Variants in ZNF282 observed in about 807,000 individuals in gnomAD.
ZNF282 encodes zinc finger protein 282.
In ZNF282, 30 loss-of-function variants were observed where a neutral mutation model predicts 61.9. The ratio of observed to expected loss-of-function variants is 0.48; its 90% CI spans 0.36 to 0.66. ZNF282 has a LOEUF of 0.66. ZNF282 is among the 30% of genes least tolerant of loss of function. ZNF282 has a pLI of 0.00. For missense variants in ZNF282, 788 were observed against 941.4 expected (o/e 0.84, Z 2.13); for synonymous variants, 396 against 405.0 (o/e 0.98, Z 0.27).
chr7:149,200,950 T>C (rs1198943035), intron 2 of ZNF282, among the ~76,000 whole-genome samples: 1 of 152,180 alleles, frequency 6.6e-6, no homozygotes, highest in Non-Finnish European at 1.5e-5. Context: ...AATAGATGCT[T>C]TCTCTCCCCT....
intron 7 of ZNF282, among the ~76,000 whole-genome samples, chr7:149,216,468 A>G (rs1279814319): frequency 6.6e-6 from 1 of 152,198 alleles, no homozygotes; most frequent in Non-Finnish European, 1.5e-5. Context: ...TTTAGGAGAT[A>G]GGAGTATCTG....
intron 2 of ZNF282, among the ~76,000 whole-genome samples, chr7:149,201,348 G>A (rs1795906788): frequency 6.6e-6 from 1 of 152,142 alleles, no homozygotes; most frequent in African/African-American, 2.4e-5. Context: ...ATGGCCTCCT[G>A]GTGGGTCTCA....
intron 7 of ZNF282, among the ~76,000 whole-genome samples, chr7:149,220,924 T>TTTTTTG (rs1554471499): frequency 1.5e-4 from 13 of 85,918 alleles, no homozygotes; most frequent in Non-Finnish European, 2.1e-4. Flanking sequence ...AGGGTTTTTT[T>TTTTTTG]TTTTTTTTTT....
In ZNF282 at chr7:149,224,220, G is replaced by T. The variant is rs1405692741; in HGVS notation, c.1589G>T (p.Arg530Leu). The part of the protein sequence containing the change: ...CPECGKSFGV[R>L]KSLIIHHRSH... ...GAGTGCGGCAAGAGCTTCGGCGTGC[G>T]CAAGAGCCTCATCATCCACCACCGC... The change falls in exon 8 of 8, where the codon CGC becomes CTC. Residue 530 changes from arginine to leucine, a missense_variant. Transcript: ENST00000610704. 5 of 1,607,448 alleles carry T rather than the reference G, an allele frequency of 3.1e-6. No homozygotes were observed. Among genetic ancestry groups the T allele is most frequent in the East Asian group, 4.5e-5 (2 of 44,650 alleles).
chr7:149,215,195 A>ATTTTTTTTT (rs36096302), intron 7 of ZNF282, among the ~76,000 whole-genome samples: 1 of 90,658 alleles, frequency 1.1e-5, no homozygotes, highest in Non-Finnish European at 2.1e-5. Context: ...ATTTCCTGAC[A>ATTTTTTTTT]TTTTTTTTTT....
At position 149,224,775 on chromosome 7, in the gene ZNF282, C is replaced by T. The variant is rs1796339428; in HGVS notation, c.*128C>T. On this transcript the variant is annotated 3_prime_UTR_variant, in exon 8 of 8. Coordinates refer to ENST00000610704, the MANE Select transcript of ZNF282 (RefSeq NM_003575.4). ...CAGGCATTGCACTCCGGTTGGGGGT[C>T]CCCCAGGGTGGGGCAGGGATCCCCC... 6 of 1,398,540 alleles carry T rather than the reference C, an allele frequency of 4.3e-6. No individual in the cohort carries two copies. Among genetic ancestry groups the T allele is most frequent in the South Asian group, 3.0e-5 (2 of 66,554 alleles). 86.6% of individuals were successfully genotyped at this position (1,398,540 alleles called of 1,614,324 possible).
intron 2 of ZNF282, among the ~76,000 whole-genome samples, chr7:149,202,687 G>A (rs1463053487): frequency 6.6e-6 from 1 of 151,698 alleles, no homozygotes; most frequent in African/African-American, 2.4e-5. Context: ...CTGACCTCAA[G>A]TGATCCATCC....
In ZNF282 at chr7:149,195,774, G is replaced by A. The variant is rs1795805419; in HGVS notation, c.165+20G>A. The A allele has an allele frequency of 4.7e-6, 7 of 1,476,176 alleles. No individual in the cohort carries two copies. The highest frequency in any genetic ancestry group is 6.3e-6 in the Non-Finnish European group (7 of 1,117,810). 91.4% of individuals were successfully genotyped at this position (1,476,176 alleles called of 1,614,324 possible). On this transcript the variant is annotated intron_variant, in intron 1 of 7. Coordinates refer to ENST00000610704, the MANE Select transcript of ZNF282 (RefSeq NM_003575.4). ...ATGCAGGTGGGAGAACCCCGCCGGC[G>A]CCATGGCCGCGCTGCCGTGGGGGCG...
chr7:149,222,892 C>T (rs1402202833), intron 7 of ZNF282, among the ~76,000 whole-genome samples: 2 of 152,186 alleles, frequency 1.3e-5, no homozygotes, highest in African/African-American at 2.4e-5. Flanking sequence ...GTGATCCACC[C>T]ACCTCGGCCT....
rs1019001203 is a variant in ZNF282 at position 149,213,619 on chromosome 7, C to T, written c.1067-82C>T. 6.0e-6 allele frequency: 6 copies of T among 995,904 alleles called. No homozygotes were observed. The African/African-American group carries it at 9.6e-5, about 16-fold the overall frequency. The allele number at this position is 995,904 out of a possible 1,614,324, so 61.7% of individuals were successfully genotyped here. A position where few individuals can be genotyped will look rare whatever the true frequency, so the allele number is the denominator to read the frequency against. The stretch of plus-strand genomic sequence containing the variant: ...CATGCCCTGCAGGTTGCAGCCACCG[C>T]ATGGGATGGTTTTCAAACCTTTGAT... On this transcript the variant is annotated intron_variant, in intron 6 of 7. Transcript: ENST00000610704.
intron 2 of ZNF282, among the ~76,000 whole-genome samples, chr7:149,204,508 AG>A (rs745513266): frequency 6.6e-6 from 1 of 152,102 alleles, no homozygotes; most frequent in Non-Finnish European, 1.5e-5. Flanking sequence ...GCCAGTAGAG[AG>A]GGAGAAACTG....
chr7:149,217,487 C>T (rs1796175808), intron 7 of ZNF282, among the ~76,000 whole-genome samples: 1 of 152,132 alleles, frequency 6.6e-6, no homozygotes, highest in South Asian at 2.1e-4. Context: ...TTGCTTGAAT[C>T]CGGGAGGCGG....
intron 7 of ZNF282, among the ~76,000 whole-genome samples, chr7:149,221,534 C>G (rs1482187268): frequency 1.3e-5 from 2 of 152,130 alleles, no homozygotes; most frequent in African/African-American, 2.4e-5. Context: ...GGAATAACAC[C>G]TGGGAAGGAG....
At chr7:149,220,996 C>T (rs988268874) in intron 7 of ZNF282, among the ~76,000 whole-genome samples, 1 of 151,464 alleles carries the variant, frequency 6.6e-6, no homozygotes, top group Non-Finnish European at 1.5e-5. Flanking sequence ...CACGGCTCAC[C>T]GCAGCCTCGA....
intron 7 of ZNF282, among the ~76,000 whole-genome samples, chr7:149,217,067 C>A (rs1796169013): frequency 6.6e-6 from 1 of 152,194 alleles, no homozygotes; most frequent in African/African-American, 2.4e-5. Context: ...GCTGGGCCAC[C>A]ATTCCCAGGT....
rs368877058 is a variant in ZNF282, at chr7:149,197,669, C to T, written c.166-664C>T. Among the ~76,000 whole-genome samples, 34 of 152,318 alleles carry T rather than the reference C, an allele frequency of 2.2e-4. No homozygotes were observed. The East Asian group carries it at 2.3e-3, about 10-fold the overall frequency. ...TGTGTTTTTAGTAGAGACAGGGTTT[C>T]GCCATGTTGGCCAGGCTGGTCTTGA... On this transcript the variant is annotated intron_variant, in intron 1 of 7. Transcript: ENST00000610704.
At chr7:149,216,177 C>A (rs569884516) in intron 7 of ZNF282, among the ~76,000 whole-genome samples, 1 of 152,324 alleles carries the variant, frequency 6.6e-6, no homozygotes, top group Non-Finnish European at 1.5e-5. Context: ...TGGCTCACTG[C>A]AGCCTCCATC....
rs146328587 is a variant in ZNF282 at position 149,224,308 on chromosome 7, G to C, written c.1677G>C (p.Ser559=). The change falls in exon 8 of 8, where the codon TCG becomes TCC. Residue 559 remains serine (S), a synonymous_variant. Transcript: ENST00000610704. ...AECEKSFNCH[S]GLIRHQMTHR... ...GCGAGAAGAGCTTCAACTGCCACTC[G>C]GGCCTCATCCGCCACCAGATGACGC... The C allele has an allele frequency of 4.1e-4, 660 of 1,613,502 alleles. 3 individuals carry two copies. In the Middle Eastern group the frequency reaches 0.012, roughly 29 times the overall value.
chr7:149,207,317 A>G (rs1283873707), intron 3 of ZNF282, 34 bp from the exon 4 acceptor site: 49 of 1,575,524 alleles, frequency 3.1e-5, no homozygotes, highest in Non-Finnish European at 4.1e-5. Context: ...GGTCAACTTC[A>G]CTCAGCCTTT....
Sources: gnomAD v4.1 joint callset for allele counts (sites outside exome capture counted in the v4.1 genomes callset) on GRCh38, gnomAD v4.1.1 for gene constraint, MANE v1.5 for transcripts, NCBI Gene and HGNC (gene_info 2026-07-23, HGNC 2026-07-21) for gene names.